MYBPC1: variants seen among roughly 807,000 people sequenced by gnomAD.
The protein encoded by MYBPC1 is myosin-binding protein C, slow-type.
A neutral mutation model predicts 147.1 loss-of-function variants in MYBPC1; 52 were observed. That is an observed-to-expected ratio of 0.35 (90% CI 0.28 to 0.45). The LOEUF is 0.45. Among genes scored for constraint, MYBPC1 ranks in the 20% least tolerant of loss-of-function variants. The pLI is 1.00. For synonymous variants in MYBPC1, 477 were observed against 475.9 expected (o/e 1.00, Z -0.03); for missense variants, 1,228 against 1,440.3 (o/e 0.85, Z 2.39).
At chr12:101,692,663 T>C in the MYBPC1 span, among the ~76,000 whole-genome samples, 25 of 109,174 alleles carry the variant, frequency 2.3e-4, no homozygotes, top group Middle Eastern at 5.0e-3. Flanking sequence ...TGTGAGCTAC[T>C]ATGTTAAGAT....
chr12:101,595,104 T>C lies in MYBPC1; in HGVS notation c.25+9T>C. ...ACCCACTAAGAAAGAGGGTAAGACT[T>C]ATCTAGAAATCTTTTTGTTGTACTC... is the stretch of plus-strand genomic sequence containing the variant. On this transcript the variant is annotated intron_variant, in intron 1 of 31. Coordinates refer to ENST00000361466, the MANE Select transcript of MYBPC1 (RefSeq NM_002465.4). The C allele has an allele frequency of 6.2e-7, 1 of 1,609,764 alleles. No individual in the cohort carries two copies. The highest frequency in any genetic ancestry group is 1.1e-5 in the South Asian group (1 of 90,958).
At chr12:101,600,094 C>T (rs1254170901) in intron 1 of MYBPC1, among the ~76,000 whole-genome samples, 5 of 152,208 alleles carry the variant, frequency 3.3e-5, no homozygotes, top group African/African-American at 1.2e-4. Context: ...ACTTCTCACC[C>T]AGTAAATCTA....
At chr12:101,673,913 C>T (rs947897486) in intron 25 of MYBPC1, among the ~76,000 whole-genome samples, 73 of 152,030 alleles carry the variant, frequency 4.8e-4, no homozygotes, top group African/African-American at 1.6e-3. Flanking sequence ...AGTAGCTGGG[C>T]ATGGTGGCGT....
chr12:101,681,540 G>A (rs1950941848), intron 29 of MYBPC1, among the ~76,000 whole-genome samples: 1 of 85,734 alleles, frequency 1.2e-5, no homozygotes, highest in African/African-American at 4.4e-5. Context: ...GAAACTTCTT[G>A]AACAAAATAA....
At position 101,612,893 on chromosome 12, in the gene MYBPC1, T is replaced by C. The variant is rs537444069; in HGVS notation, c.26-1603T>C. ...TTTGGTTGACGATAACCCTAGTGAT[T>C]CTTTCCATGATGTAGTGAAGAAACA... is the stretch of plus-strand genomic sequence containing the variant. On this transcript the variant is annotated intron_variant, in intron 1 of 31. Coordinates refer to ENST00000361466, the MANE Select transcript of MYBPC1 (RefSeq NM_002465.4). Among the ~76,000 whole-genome samples, 24 of 152,376 alleles carry C rather than the reference T, an allele frequency of 1.6e-4. No homozygotes were observed. In the South Asian group the frequency reaches 4.8e-3, roughly 30 times the overall value.
At position 101,613,577 on chromosome 12, in the gene MYBPC1, G is replaced by T. The variant is rs533808367; in HGVS notation, c.26-919G>T. Among the ~76,000 whole-genome samples the T allele has an allele frequency of 2.0e-5, 3 of 152,262 alleles. No individual in the cohort carries two copies. In the South Asian group the frequency reaches 6.2e-4, roughly 32 times the overall value. On this transcript the variant is annotated intron_variant, in intron 1 of 31. Coordinates refer to ENST00000361466, the MANE Select transcript of MYBPC1 (RefSeq NM_002465.4). Reference sequence around the variant, plus strand: ...ACATGTCACTAATTCCCAATTCTGGGCATCCACAGGGATTTGGCACGGGAA... The same window carrying T: ...ACATGTCACTAATTCCCAATTCTGGTCATCCACAGGGATTTGGCACGGGAA...
Position 101,677,221 on chromosome 12 carries a change from T to A in MYBPC1, c.2950-14T>A, listed in dbSNP as rs372246123. 8.7e-6 allele frequency: 14 copies of A among 1,610,698 alleles called. No homozygotes were observed. The highest frequency in any genetic ancestry group is 3.3e-5 in the South Asian group (3 of 90,956). On this transcript the variant is annotated splice_polypyrimidine_tract_variant and intron_variant, in intron 26 of 31. Transcript: ENST00000361466. ...AGGTGATTTTCCTCCAGTTATTATT[T>A]TTTTTTCTTTTAGGAATGGTTTACT...
At chr12:101,626,332 T>C (rs1888603991) in intron 3 of MYBPC1, among the ~76,000 whole-genome samples, 1 of 152,126 alleles carries the variant, frequency 6.6e-6, no homozygotes, top group Non-Finnish European at 1.5e-5. Flanking sequence ...CCAACACCAA[T>C]ATAATGTTGG....
At chr12:101,662,645 T>C in intron 21 of MYBPC1, 99 bp downstream of exon 21, 1 of 1,351,508 alleles carries the variant, frequency 7.4e-7, no homozygotes, top group Non-Finnish European at 1.0e-6. Context: ...GGACACTTCT[T>C]AGAGTTGTAG....
At chr12:101,674,862 C>CAAAAAAAAAAAAAAAAAAAAAAAAAAAA (rs62824364) in intron 25 of MYBPC1, among the ~76,000 whole-genome samples, 4 of 59,840 alleles carry the variant, frequency 6.7e-5, no homozygotes, top group African/African-American at 3.3e-4. Context: ...ACTCTGTCTC[C>CAAAAAAAAAAAAAAAAAAAAAAAAAAAA]AAAAAAAAAA....
intron 24 of MYBPC1, 67 bp from the exon 25 acceptor site, chr12:101,673,360 T>C: frequency 6.5e-7 from 1 of 1,540,722 alleles, no homozygotes; most frequent in African/African-American, 1.4e-5. Flanking sequence ...GTCCTTCTCA[T>C]AATGCTGAAG....
At chr12:101,649,818 C>G (rs1894030695) in intron 15 of MYBPC1, among the ~76,000 whole-genome samples, 1 of 152,150 alleles carries the variant, frequency 6.6e-6, no homozygotes, top group Admixed American at 6.6e-5. Flanking sequence ...ACCAAAAGGG[C>G]TCAATTGAGA....
Position 101,663,884 on chromosome 12 carries a change from A to G in MYBPC1, c.2356+324A>G, listed in dbSNP as rs545238961. Among the ~76,000 whole-genome samples the G allele has an allele frequency of 2.0e-5, 3 of 152,342 alleles. No homozygotes were observed. In the South Asian group the frequency reaches 6.2e-4, roughly 32 times the overall value. On this transcript the variant is annotated intron_variant, in intron 22 of 31. Coordinates refer to ENST00000361466, the MANE Select transcript of MYBPC1 (RefSeq NM_002465.4). ...GAATTGAATTGCACCACAGCAATATAAAAGTCTAGTTATGATGAAGCCAGT... is the reference window on the plus strand; with the variant it reads ...GAATTGAATTGCACCACAGCAATATGAAAGTCTAGTTATGATGAAGCCAGT...
chr12:101,659,631 A>G, intron 18 of MYBPC1, 41 bp from the exon 19 acceptor site: 1 of 1,610,828 alleles, frequency 6.2e-7, no homozygotes, highest in Non-Finnish European at 8.5e-7. Flanking sequence ...AGCCCTGTTT[A>G]TTGTGTAAAT....
At chr12:101,646,649 A>G in intron 12 of MYBPC1, 114 bp from the exon 13 acceptor site, 1 of 1,262,046 alleles carries the variant, frequency 7.9e-7, no homozygotes, top group South Asian at 1.3e-5. Flanking sequence ...AAAAAAAAAC[A>G]ACAGATCCTT....
chr12:101,652,544 C>T (rs538872608), intron 16 of MYBPC1, 134 bp from the exon 17 acceptor site: 21 of 668,606 alleles, frequency 3.1e-5, no homozygotes, highest in Middle Eastern at 2.9e-4. Flanking sequence ...CTCTCTCTCT[C>T]TTTCTCTCTC....
At chr12:101,641,145 T>G (rs1250325360) in intron 10 of MYBPC1, among the ~76,000 whole-genome samples, 1 of 149,482 alleles carries the variant, frequency 6.7e-6, no homozygotes, top group Non-Finnish European at 1.5e-5. Flanking sequence ...GAAGGCACTC[T>G]GAAACAGGTG....
intron 31 of MYBPC1, among the ~76,000 whole-genome samples, chr12:101,684,961 A>G (rs1951265222): frequency 6.6e-6 from 1 of 152,146 alleles, no homozygotes; most frequent in African/African-American, 2.4e-5. Context: ...TATTTTTTTA[A>G]TATAATTCAG....
chr12:101,681,873 T>G (rs1053229920), intron 29 of MYBPC1, among the ~76,000 whole-genome samples: 16 of 152,018 alleles, frequency 1.1e-4, no homozygotes, highest in African/African-American at 2.9e-4. Flanking sequence ...CCTCTCAAAG[T>G]GCTGGGATTA....
Sources: gnomAD v4.1 joint callset for allele counts (sites outside exome capture counted in the v4.1 genomes callset) on GRCh38, gnomAD v4.1.1 for gene constraint, MANE v1.5 for transcripts, NCBI Gene and HGNC (gene_info 2026-07-23, HGNC 2026-07-21) for gene names.